Variants in ZNF573 observed in about 807,000 individuals in gnomAD.
ZNF573 encodes the protein zinc finger protein 573.
A neutral mutation model predicts 57.4 loss-of-function variants in ZNF573; 41 were observed. The ratio of observed to expected loss-of-function variants is 0.71; its 90% confidence interval spans 0.56 to 0.93. The LOEUF (loss-of-function observed/expected upper bound fraction) is 0.93. Among genes scored for constraint, ZNF573 ranks in the 40% least tolerant of loss-of-function variants. The pLI is 0.00. For missense variants in ZNF573, 730 were observed against 794.8 expected (o/e 0.92, Z 0.98); for synonymous variants, 249 against 261.0 (o/e 0.95, Z 0.44).
In ZNF573 at chr19:37,769,541, C is replaced by A. The variant is rs572542712; in HGVS notation, c.295+464G>T. Among the ~76,000 whole-genome samples the A allele has an allele frequency of 1.9e-3, 282 of 151,238 alleles. 1 individual carries two copies. Among genetic ancestry groups the A allele is most frequent in the Middle Eastern group, 3.4e-3 (1 of 292 alleles). ...AGGAGTTCAAGACCAGCCTGGCCAACATGGTGAAACCGTGTCTCTACTAAA... is the reference window on the plus strand; with the variant it reads ...AGGAGTTCAAGACCAGCCTGGCCAAAATGGTGAAACCGTGTCTCTACTAAA... On this transcript the variant is annotated intron_variant, in intron 4 of 4. Coordinates refer to ENST00000536220, the MANE Select transcript of ZNF573 (RefSeq NM_001172690.2).
chr19:37,738,943 T>A lies in ZNF573; in HGVS notation c.1547A>T (p.His516Leu), dbSNP rs1242429779. The change falls in exon 5 of 5, where the codon CAT (histidine) becomes CTT (leucine). Residue 516 changes from histidine to leucine, a missense_variant. Coordinates refer to ENST00000536220, the MANE Select transcript of ZNF573 (RefSeq NM_001172690.2). ...TTTCATACCAGTATGAATTTTCTGA[T>A]GTTGATTAAGATATCCATGCAAGCT... ...TFSLHGYLNQ[H>L]QKIHTGMKPY... 6.2e-7 allele frequency: 1 copy of A among 1,610,828 alleles called. No individual in the cohort carries two copies. The highest frequency in any genetic ancestry group is 1.7e-5 in the Admixed American group (1 of 59,982).
chr19:37,748,370 A>T (rs1444494040), intron 4 of ZNF573, among the ~76,000 whole-genome samples: 1 of 152,170 alleles, frequency 6.6e-6, no homozygotes, highest in Non-Finnish European at 1.5e-5. Context: ...TGTAAATCTA[A>T]AATTATTCTA....
At chr19:37,744,052 C>T (rs1158137906) in intron 4 of ZNF573, among the ~76,000 whole-genome samples, 1 of 150,712 alleles carries the variant, frequency 6.6e-6, no homozygotes, top group Non-Finnish European at 1.5e-5. Flanking sequence ...CACCACGGCA[C>T]ACGTATACCT....
rs1295320046 is a variant in ZNF573 at position 37,740,000 on chromosome 19, A to T, written c.490T>A (p.Cys164Ser). Reference sequence around the variant, plus strand: ...CGAAAGTTCTTCCCACACTCTTTGCATTCATAGGGTCTCTCAATGACATGA... The same window carrying T: ...CGAAAGTTCTTCCCACACTCTTTGCTTTCATAGGGTCTCTCAATGACATGA... Reference protein sequence around the residue: ...RFHVIERPYECKECGKNFRSG... With the variant: ...RFHVIERPYESKECGKNFRSG... Residue 164 changes from cysteine (C) to serine (S), a missense_variant, in exon 5 of 5, where the codon TGC becomes AGC. Transcript: ENST00000536220. 2 of 1,614,198 alleles carry T rather than the reference A, an allele frequency of 1.2e-6. No homozygotes were observed. Among genetic ancestry groups the T allele is most frequent in the East Asian group, 2.2e-5 (1 of 44,886 alleles).
chr19:37,746,115 G>C (rs1398023373), intron 4 of ZNF573, among the ~76,000 whole-genome samples: 2 of 152,156 alleles, frequency 1.3e-5, no homozygotes, highest in East Asian at 1.9e-4. Context: ...AAGATAACTA[G>C]ACAACATATA....
At chr19:37,762,804 T>C (rs925544783) in intron 4 of ZNF573, among the ~76,000 whole-genome samples, 4 of 151,026 alleles carry the variant, frequency 2.6e-5, no homozygotes, top group African/African-American at 9.7e-5. Flanking sequence ...AGGAGTCTCA[T>C]TCTGTCACCA....
At chr19:37,778,024 CAAAAAAAAAA>C (rs34141847) in intron 1 of ZNF573, among the ~76,000 whole-genome samples, 238 of 56,124 alleles carry the variant, frequency 4.2e-3, no homozygotes, top group African/African-American at 0.014. Flanking sequence ...GACTCTGTCT[CAAAAAAAAAA>C]AAAAAAAAAA....
chr19:37,774,573 A>G (rs2045690641), intron 1 of ZNF573, among the ~76,000 whole-genome samples: 3 of 152,244 alleles, frequency 2.0e-5, no homozygotes, highest in Non-Finnish European at 4.4e-5. Context: ...AATACAAAAT[A>G]TACATGTAAT....
intron 4 of ZNF573, among the ~76,000 whole-genome samples, chr19:37,745,700 T>A (rs2045375813): frequency 6.6e-6 from 1 of 152,186 alleles, no homozygotes; most frequent in African/African-American, 2.4e-5. Flanking sequence ...TTGGCAAGAT[T>A]GTAATGTTTT....
chr19:37,739,540 A>C lies in ZNF573; in HGVS notation c.950T>G (p.Leu317Arg). The C allele has an allele frequency of 6.2e-7, 1 of 1,612,892 alleles. No individual in the cohort carries two copies. The highest frequency in any genetic ancestry group is 8.5e-7 in the Non-Finnish European group (1 of 1,179,656). Residue 317 changes from leucine (L) to arginine (R), a missense_variant, in exon 5 of 5, where the codon CTT becomes CGT. Coordinates refer to ENST00000536220, the MANE Select transcript of ZNF573 (RefSeq NM_001172690.2). ...AGTGTGAACTCTCTGATGTACAGTA[A>C]GCTGGTGACCTCTTCTAAAGGCCTT... is the stretch of plus-strand genomic sequence containing the variant. ...CGKAFRRGHQ[L>R]TVHQRVHTGK...
rs528022185 is a variant in ZNF573 at position 37,744,751 on chromosome 19, A to G, written c.296-4557T>C. Among the ~76,000 whole-genome samples, 304 of 143,194 alleles carry G rather than the reference A, an allele frequency of 2.1e-3. 2 individuals are homozygous for G. The highest frequency in any genetic ancestry group is 8.7e-3 in the African/African-American group (296 of 33,926). 93.9% of individuals were successfully genotyped at this position (143,194 alleles called of 152,430 possible). On this transcript the variant is annotated intron_variant, in intron 4 of 4. Coordinates refer to ENST00000536220, the MANE Select transcript of ZNF573 (RefSeq NM_001172690.2). The stretch of plus-strand genomic sequence containing the variant: ...GCAAGACCCTATCTCAAAAAAAAAA[A>G]AAAAAGAAAAAAAAAAAGAAAAAAG...
intron 1 of ZNF573, among the ~76,000 whole-genome samples, chr19:37,775,675 C>A (rs1013515860): frequency 6.6e-5 from 10 of 151,870 alleles, no homozygotes; most frequent in Non-Finnish European, 1.2e-4. Flanking sequence ...TAATCATATA[C>A]CTAGAAAACC....
chr19:37,771,636 A>G lies in ZNF573; in HGVS notation c.130T>C (p.Tyr44His). 6.2e-7 allele frequency: 1 copy of G among 1,602,740 alleles called. No individual in the cohort carries two copies. The highest frequency in any genetic ancestry group is 1.1e-5 in the South Asian group (1 of 89,280). The change falls in exon 3 of 5, where the codon TAC (tyrosine) becomes CAC (histidine). Residue 44 changes from tyrosine to histidine, a missense_variant. Transcript: ENST00000536220. ...AIDFSRQEWE[Y>H]LDPNQRDLYR... is the part of the protein sequence containing the mutation. ...AAGTCCCTCTGATTAGGGTCCAGGT[A>G]TTCCCACTCCTGCCGAGAGAAGTCT... is the stretch of plus-strand genomic sequence containing the variant.
chr19:37,758,244 TATATATATATATATATATATA>T (rs2045514098), intron 4 of ZNF573, among the ~76,000 whole-genome samples: 5 of 76,682 alleles, frequency 6.5e-5, no homozygotes, highest in African/African-American at 1.7e-4. Flanking sequence ...TATATATATA[TATATATATATATATATATATA>T]AAATTACCCA....
At chr19:37,751,046 CTGTCTATAGTAGTATAGTATGGT>C (rs1455281065) in intron 4 of ZNF573, among the ~76,000 whole-genome samples, 16 of 150,530 alleles carry the variant, frequency 1.1e-4, no homozygotes, top group African/African-American at 3.9e-4. Context: ...AGTATATATA[CTGTCTATAGTAGTATAGTATGGT>C]ATATATACTG....
intron 4 of ZNF573, among the ~76,000 whole-genome samples, chr19:37,760,029 G>A (rs2045536369): frequency 6.6e-6 from 1 of 152,164 alleles, no homozygotes; most frequent in African/African-American, 2.4e-5. Context: ...ATGATTTGGA[G>A]TTTTAAGATT....
intron 4 of ZNF573, among the ~76,000 whole-genome samples, chr19:37,762,774 CTTTT>C (rs771487185): frequency 1.4e-5 from 2 of 140,356 alleles, no homozygotes; most frequent in Non-Finnish European, 1.6e-5. Flanking sequence ...TGGAGCCAGT[CTTTT>C]TTTTTTTTTT....
rs770898477 is a variant in ZNF573 at position 37,739,671 on chromosome 19, T to C, written c.819A>G (p.Pro273=). The C allele has an allele frequency of 1.9e-5, 30 of 1,613,828 alleles. No homozygotes were observed. Among genetic ancestry groups the C allele is most frequent in the Non-Finnish European group, 1.5e-5 (18 of 1,179,968 alleles). ...IHQRVHTGEK[P]YKCKECGKTF... Reference sequence around the variant, plus strand: ...TCTTCCCACATTCCTTACATTTATATGGTTTTTCGCCAGTATGAACTCTCT... The same window carrying C: ...TCTTCCCACATTCCTTACATTTATACGGTTTTTCGCCAGTATGAACTCTCT... The change falls in exon 5 of 5, where the codon CCA becomes CCG. Residue 273 remains proline, a synonymous_variant. Transcript: ENST00000536220.
intron 4 of ZNF573, among the ~76,000 whole-genome samples, chr19:37,746,802 TTA>T (rs1356317410): frequency 6.6e-6 from 1 of 152,184 alleles, no homozygotes; most frequent in Non-Finnish European, 1.5e-5. Flanking sequence ...CAGGCTGGTC[TTA>T]AAAACTCCTG....
Sources: allele counts gnomAD v4.1 joint callset (sites outside exome capture counted in the v4.1 genomes callset), GRCh38; gene constraint gnomAD v4.1.1; transcripts MANE v1.5; gene names NCBI Gene and HGNC (gene_info 2026-07-23, HGNC 2026-07-21).